The following MLLT3 variants were observed in gnomAD, a reference collection of about 807,000 sequenced individuals.
MLLT3 encodes MLLT3 super elongation complex subunit.
A neutral mutation model predicts 53.2 loss-of-function variants in MLLT3; 4 were observed. The ratio of observed to expected loss-of-function variants is 0.08; its 90% CI spans 0.04 to 0.17. The LOEUF is 0.17. Ranked by LOEUF, MLLT3 falls within the 10% of genes least tolerant of loss-of-function variation. The pLI, the probability that MLLT3 is intolerant of heterozygous loss-of-function variation, is 1.00. For missense variants in MLLT3, 569 were observed against 684.0 expected (o/e 0.83, Z 1.87); for synonymous variants, 283 against 230.6 (o/e 1.23, Z -2.06).
In MLLT3 at chr9:20,528,672, G is replaced by C. The variant is rs149696466; in HGVS notation, c.194-71886C>G. On this transcript the variant is annotated intron_variant, in intron 2 of 10. Transcript: ENST00000380338. Reference sequence around the variant, plus strand: ...CTTCACAGTGCCTTCGCCTCTGTGTGTCTGTCAAATCTCACCCTCATTTCA... The same window carrying C: ...CTTCACAGTGCCTTCGCCTCTGTGTCTCTGTCAAATCTCACCCTCATTTCA... Among the ~76,000 whole-genome samples, 581 of 152,324 alleles carry C rather than the reference G, an allele frequency of 3.8e-3. 7 individuals are homozygous for C. The highest frequency in any genetic ancestry group is 0.026 in the Admixed American group (398 of 15,298).
At chr9:20,488,977 A>C (rs1041077348) in intron 2 of MLLT3, among the ~76,000 whole-genome samples, 3 of 152,204 alleles carry the variant, frequency 2.0e-5, no homozygotes, top group African/African-American at 7.2e-5. Flanking sequence ...TCAGCACAAA[A>C]GAGGTATTTC....
intron 5 of MLLT3, among the ~76,000 whole-genome samples, chr9:20,386,462 C>T (rs991792740): frequency 2.0e-5 from 3 of 152,186 alleles, no homozygotes; most frequent in Admixed American, 2.0e-4. Flanking sequence ...TGTAGCTTTG[C>T]TAAAGAAAGA....
At chr9:20,549,364 C>T (rs1053131991) in intron 2 of MLLT3, among the ~76,000 whole-genome samples, 1 of 152,092 alleles carries the variant, frequency 6.6e-6, no homozygotes, top group Non-Finnish European at 1.5e-5. Context: ...TCTCTGTTAC[C>T]AACCCAGCAT....
At chr9:20,529,486 A>G (rs1818277545) in intron 2 of MLLT3, among the ~76,000 whole-genome samples, 1 of 151,786 alleles carries the variant, frequency 6.6e-6, no homozygotes, top group African/African-American at 2.4e-5. Flanking sequence ...CAAATACAGT[A>G]CAAAATAAAT....
At chr9:20,486,127 C>T (rs1014862040) in intron 2 of MLLT3, among the ~76,000 whole-genome samples, 8 of 152,124 alleles carry the variant, frequency 5.3e-5, no homozygotes, top group Non-Finnish European at 8.8e-5. Context: ...ACATGATAAA[C>T]ATTTTTTCTA....
chr9:20,506,942 G>A (rs1825396644), intron 2 of MLLT3, among the ~76,000 whole-genome samples: 2 of 152,150 alleles, frequency 1.3e-5, no homozygotes, highest in South Asian at 4.1e-4. Context: ...TAAGTAGGGG[G>A]TGGGTATCAC....
In MLLT3 at chr9:20,620,473, T is replaced by C. The variant is rs1820967991; in HGVS notation, c.193+181A>G. Reference sequence around the variant, plus strand: ...TGCGGTGACTTTCACCAAGCCGAAGTGGCGCGCGCGCGGGCAGGCGGGAGC... The same window carrying C: ...TGCGGTGACTTTCACCAAGCCGAAGCGGCGCGCGCGCGGGCAGGCGGGAGC... On this transcript the variant is annotated intron_variant, in intron 2 of 10. Transcript: ENST00000380338. The surrounding 1 kb of genome is among the most constrained non-coding windows in gnomAD (Gnocchi z 6.1). 2.0e-5 allele frequency among the ~76,000 whole-genome samples: 3 copies of C among 149,782 alleles called. No homozygotes were observed. In the South Asian group the frequency reaches 6.6e-4, roughly 33 times the overall value.
chr9:20,545,059 C>T (rs1305147322), intron 2 of MLLT3, among the ~76,000 whole-genome samples: 1 of 119,656 alleles, frequency 8.4e-6, no homozygotes, highest in African/African-American at 3.3e-5. Context: ...CACGCCACTG[C>T]AATCCAGCCT....
chr9:20,517,605 G>A (rs959081389), intron 2 of MLLT3, among the ~76,000 whole-genome samples: 7 of 152,184 alleles, frequency 4.6e-5, no homozygotes, highest in African/African-American at 1.7e-4. Context: ...GGGAGGCTGA[G>A]GCAGATGGAT....
chr9:20,406,166 T>C (rs1822572777), intron 5 of MLLT3, among the ~76,000 whole-genome samples: 1 of 152,038 alleles, frequency 6.6e-6, no homozygotes, highest in African/African-American at 2.4e-5. Context: ...CAGCAGCTTC[T>C]TGGGAGGCTG....
intron 2 of MLLT3, among the ~76,000 whole-genome samples, chr9:20,574,456 G>A (rs2131167387): frequency 6.6e-6 from 1 of 152,298 alleles, no homozygotes; most frequent in African/African-American, 2.4e-5. Flanking sequence ...CCACAATAAA[G>A]AAAATCACAC....
chr9:20,474,653 A>G (rs1020707186), intron 2 of MLLT3, among the ~76,000 whole-genome samples: 3 of 151,954 alleles, frequency 2.0e-5, no homozygotes, highest in African/African-American at 7.2e-5. Context: ...GCTTAAGAAA[A>G]TAGTGCCCTA....
chr9:20,541,634 C>T (rs909183528), intron 2 of MLLT3, among the ~76,000 whole-genome samples: 1 of 152,160 alleles, frequency 6.6e-6, no homozygotes, highest in African/African-American at 2.4e-5. Flanking sequence ...CCAATCAACA[C>T]CCACCAGGTC....
At chr9:20,509,488 G>A (rs137995250) in intron 2 of MLLT3, among the ~76,000 whole-genome samples, 1 of 152,246 alleles carries the variant, frequency 6.6e-6, no homozygotes, top group Non-Finnish European at 1.5e-5. Context: ...TTGAGTAAGA[G>A]GTGGCCCTTT....
chr9:20,431,915 G>T (rs773002954), intron 4 of MLLT3, among the ~76,000 whole-genome samples: 23 of 151,978 alleles, frequency 1.5e-4, no homozygotes, highest in Non-Finnish European at 2.8e-4. Flanking sequence ...TAAAAAATAA[G>T]CAAAGATGAG....
chr9:20,545,667 C>T (rs1818767677), intron 2 of MLLT3, among the ~76,000 whole-genome samples: 1 of 151,826 alleles, frequency 6.6e-6, no homozygotes, highest in South Asian at 2.1e-4. Flanking sequence ...ACATCTTTAA[C>T]CGTATTAGAT....
At chr9:20,560,211 G>C (rs536873631) in intron 2 of MLLT3, among the ~76,000 whole-genome samples, 1 of 152,006 alleles carries the variant, frequency 6.6e-6, no homozygotes, top group South Asian at 2.1e-4. Flanking sequence ...ATAAGTTAAA[G>C]TGAAGAAAAA....
chr9:20,507,781 T>C lies in MLLT3; in HGVS notation c.194-50995A>G, dbSNP rs184107445. Among the ~76,000 whole-genome samples the C allele has an allele frequency of 3.7e-3, 335 of 91,124 alleles. 2 individuals carry two copies. Among genetic ancestry groups the C allele is most frequent in the Middle Eastern group, 7.9e-3 (1 of 126 alleles). The allele number at this position is 91,124 out of a possible 152,430, so 59.8% of individuals were successfully genotyped here. ...AAAACAAATCTCAAGCCCAGAAAAA[T>C]AGATAAATCAATTGGCTCAACATTT... On this transcript the variant is annotated intron_variant, in intron 2 of 10. Transcript: ENST00000380338.
intron 5 of MLLT3, among the ~76,000 whole-genome samples, chr9:20,376,793 T>A (rs1261601809): frequency 6.6e-6 from 1 of 152,202 alleles, no homozygotes; most frequent in African/African-American, 2.4e-5. Context: ...CCAGAACATG[T>A]GCTCTTTCAA....
Sources: gnomAD v4.1 joint callset for allele counts (sites outside exome capture counted in the v4.1 genomes callset) on GRCh38, gnomAD v4.1.1 for gene constraint, Gnocchi (gnomAD v3.1) non-coding constraint, MANE v1.5 for transcripts, NCBI Gene and HGNC (gene_info 2026-07-23, HGNC 2026-07-21) for gene names.